The following ZNF554 variants were observed in gnomAD, a reference collection of about 807,000 sequenced individuals.
The protein encoded by ZNF554 is zinc finger protein 554.
ZNF554 carries 15 observed loss-of-function variants against 21.2 expected under a neutral mutation model. That is an observed-to-expected ratio of 0.71 (90% CI 0.47 to 1.09). The LOEUF is 1.09. Ranked by LOEUF, ZNF554 falls within the 50% of genes least tolerant of loss-of-function variation. The probability of loss-of-function intolerance (pLI) is 0.00; values close to 1 mark genes in which losing one functional copy is unlikely to be tolerated. For missense variants in ZNF554, 691 were observed against 662.7 expected (o/e 1.04, Z -0.47); for synonymous variants, 258 against 251.4 (o/e 1.03, Z -0.25).
At chr19:2,826,707 G>A (rs1370903147) in intron 2 of ZNF554, among the ~76,000 whole-genome samples, 1 of 150,912 alleles carries the variant, frequency 6.6e-6, no homozygotes, top group Non-Finnish European at 1.5e-5. Flanking sequence ...TGTCGCCCAG[G>A]CTGGAGTGCA....
At chr19:2,824,680 A>T (rs892274063) in intron 2 of ZNF554, among the ~76,000 whole-genome samples, 3 of 152,248 alleles carry the variant, frequency 2.0e-5, no homozygotes, top group Admixed American at 2.0e-4. Context: ...ATACATATGA[A>T]CTTTACCATC....
chr19:2,823,627 G>A (rs183617137), intron 2 of ZNF554, among the ~76,000 whole-genome samples: 14 of 152,194 alleles, frequency 9.2e-5, no homozygotes, highest in Admixed American at 2.0e-4. Flanking sequence ...CAGCAGGGAC[G>A]GTAGCTCCTC....
chr19:2,825,845 G>A (rs541525175), intron 2 of ZNF554, among the ~76,000 whole-genome samples: 42 of 152,258 alleles, frequency 2.8e-4, no homozygotes, highest in Admixed American at 1.2e-3. Flanking sequence ...GAAAGCTCAG[G>A]GTGCCTCCTG....
In ZNF554 at chr19:2,821,806, G is replaced by GGC. The variant is rs2087267621; in HGVS notation, c.54-1233_54-1232insCG. On this transcript the variant is annotated intron_variant, in intron 1 of 4. Coordinates refer to ENST00000317243, the MANE Select transcript of ZNF554 (RefSeq NM_001102651.2). This position sits in a 1 kb window ranked among gnomAD's most constrained non-coding sequence, Gnocchi z 8.2. ...AGCCTCTCGAGTAGCTGGGATTACA[G>GGC]GTGCACGCCACCACACCCAGCTAAT... Among the ~76,000 whole-genome samples, 2 of 151,930 alleles carry GGC rather than the reference G, an allele frequency of 1.3e-5. No individual in the cohort carries two copies. The highest frequency in any genetic ancestry group is 2.9e-5 in the Non-Finnish European group (2 of 67,998).
At chr19:2,825,000 GTTGTTTTTT>G (rs2087311564) in intron 2 of ZNF554, among the ~76,000 whole-genome samples, 2 of 114,914 alleles carry the variant, frequency 1.7e-5, no homozygotes, top group Admixed American at 9.6e-5. Context: ...CGTGATTGCA[GTTGTTTTTT>G]TTTTTTTTTT....
chr19:2,831,296 T>C (rs2087413122), intron 3 of ZNF554: 1 of 149,438 alleles, frequency 6.7e-6, no homozygotes, highest in South Asian at 2.1e-4. Flanking sequence ...TTGGGGGAAA[T>C]GTAAGATCTG....
At chr19:2,826,503 A>T (rs576159538) in intron 2 of ZNF554, among the ~76,000 whole-genome samples, 1 of 151,942 alleles carries the variant, frequency 6.6e-6, no homozygotes, top group Non-Finnish European at 1.5e-5. Flanking sequence ...TGCCCAGCCA[A>T]CTTTTACATC....
chr19:2,834,590 A>T lies in ZNF554; in HGVS notation c.1355A>T (p.Asn452Ile). Residue 452 changes from asparagine (N) to isoleucine (I), a missense_variant, in exon 5 of 5, where the codon AAC (asparagine) becomes ATC (isoleucine). Transcript: ENST00000317243. ...GCCTTCAGTGACCGTTCCTCTCTCA[A>T]CCAGCACGAGCGAACTCACACGGGC... ...GKAFSDRSSL[N>I]QHERTHTGEN... 6.2e-7 allele frequency: 1 copy of T among 1,613,974 alleles called. No homozygotes were observed. The highest frequency in any genetic ancestry group is 8.5e-7 in the Non-Finnish European group (1 of 1,179,976).
intron 3 of ZNF554, among the ~76,000 whole-genome samples, chr19:2,829,309 A>C (rs1342650483): frequency 6.6e-6 from 1 of 152,170 alleles, no homozygotes; most frequent in African/African-American, 2.4e-5. Flanking sequence ...CAGTGAGCCA[A>C]GATCGTACCA....
rs1265117742 is a variant in ZNF554, at chr19:2,827,759, C to T, written c.253+16C>T. 1 of 1,613,736 alleles carries T rather than the reference C, an allele frequency of 6.2e-7. No individual in the cohort carries two copies. Among genetic ancestry groups the T allele is most frequent in the Admixed American group, 1.7e-5 (1 of 59,938 alleles). ...GTCTCCCTGGGTAAGGCAAGCATCA[C>T]TAATTCCTGTGTTCATTGATTCACA... On this transcript the variant is annotated intron_variant, in intron 3 of 4. Transcript: ENST00000317243.
rs575554970 is a variant in ZNF554, at chr19:2,834,878, C to T, written c.*26C>T. 1 of 1,536,082 alleles carries T rather than the reference C, an allele frequency of 6.5e-7. No homozygotes were observed. The highest frequency in any genetic ancestry group is 1.4e-5 in the African/African-American group (1 of 72,718). ...CAATTGCACGCTGCTTTGTAAGCCA[C>T]TTTTTAGTACTCTGACACATACATG... is the stretch of plus-strand genomic sequence containing the variant. On this transcript the variant is annotated 3_prime_UTR_variant, in exon 5 of 5. Transcript: ENST00000317243.
chr19:2,827,429 C>T (rs188765518), intron 2 of ZNF554, among the ~76,000 whole-genome samples, 188 bp from the exon 3 acceptor site: 2 of 152,152 alleles, frequency 1.3e-5, no homozygotes, highest in Non-Finnish European at 1.5e-5. Context: ...GATGGTGGGC[C>T]TAGGGTCTGT....
chr19:2,829,290 C>A (rs757260585), intron 3 of ZNF554, among the ~76,000 whole-genome samples: 5 of 152,014 alleles, frequency 3.3e-5, no homozygotes, highest in Middle Eastern at 6.3e-3. Context: ...ACCTGAGAGG[C>A]AGAGGTTGCA....
At position 2,822,999 on chromosome 19, in the gene ZNF554, G is replaced by A. The variant is rs1241057144; in HGVS notation, c.54-41G>A. On this transcript the variant is annotated intron_variant, in intron 1 of 4. Transcript: ENST00000317243. ...CAAGGGCTCTGGGATCTGGGGACTG[G>A]CCTGGATCTGGTATTCGCAGCGCCT... 2.6e-5 allele frequency: 41 copies of A among 1,601,068 alleles called. No individual in the cohort carries two copies. The Admixed American group carries it at 6.9e-4, about 27-fold the overall frequency.
At chr19:2,820,603 C>G (rs913486507) in intron 1 of ZNF554, among the ~76,000 whole-genome samples, 2 of 151,636 alleles carry the variant, frequency 1.3e-5, no homozygotes, top group African/African-American at 4.8e-5. Flanking sequence ...ATGACCCAGG[C>G]TCCAGTGTCC....
intron 2 of ZNF554, among the ~76,000 whole-genome samples, chr19:2,824,914 C>T (rs1470913866): frequency 6.6e-6 from 1 of 151,208 alleles, no homozygotes; most frequent in Non-Finnish European, 1.5e-5. Context: ...CTGAATCTGA[C>T]AACTCTAGGG....
At chr19:2,825,000 GTTGTTT>G (rs1405205538) in intron 2 of ZNF554, among the ~76,000 whole-genome samples, 11,991 of 114,242 alleles carry the variant, frequency 0.1, 986 homozygotes, top group East Asian at 0.25. Context: ...CGTGATTGCA[GTTGTTT>G]TTTTTTTTTT....
chr19:2,830,389 G>C (rs1032157341), intron 3 of ZNF554, among the ~76,000 whole-genome samples: 1 of 152,194 alleles, frequency 6.6e-6, no homozygotes, highest in Admixed American at 6.5e-5. Flanking sequence ...ACAACACGCT[G>C]TGTCCATCCA....
At chr19:2,829,225 G>A (rs1285863780) in intron 3 of ZNF554, among the ~76,000 whole-genome samples, 5 of 152,296 alleles carry the variant, frequency 3.3e-5, no homozygotes, top group African/African-American at 9.6e-5. Flanking sequence ...TGGGCATGGT[G>A]ATAGACGTCT....
Sources: allele counts gnomAD v4.1 joint callset (sites outside exome capture counted in the v4.1 genomes callset), GRCh38; gene constraint gnomAD v4.1.1; non-coding constraint Gnocchi (gnomAD v3.1); transcripts MANE v1.5; gene names NCBI Gene and HGNC (gene_info 2026-07-23, HGNC 2026-07-21).